Variants in ZNF275 observed in about 807,000 individuals in gnomAD.
The protein encoded by ZNF275 is zinc finger protein 275.
A neutral mutation model predicts 4.3 loss-of-function variants in ZNF275; 4 were observed. The ratio of observed to expected loss-of-function variants is 0.93; its 90% confidence interval spans 0.46 to 2.13. The LOEUF (loss-of-function observed/expected upper bound fraction) is 2.13, where lower values mean the gene tolerates loss of function less well. Among genes scored for constraint, ZNF275 ranks in the 30% most tolerant of loss-of-function variants. The pLI is 0.02. For synonymous variants in ZNF275, 173 were observed against 166.9 expected (o/e 1.04, Z -0.28); for missense variants, 352 against 397.1 (o/e 0.89, Z 0.97).
Position 153,345,393 on chromosome X carries a change from G to T in ZNF275, c.32-127G>T, listed in dbSNP as rs187160433. The T allele has an allele frequency of 4.4e-5, 21 of 473,486 alleles. No individual in the cohort carries two copies. The East Asian group carries it at 8.5e-4, about 19-fold the overall frequency. The allele number at this position is 473,486 out of a possible 1,213,427, so 39.0% of individuals were successfully genotyped here. A position where few individuals can be genotyped will look rare whatever the true frequency, so the allele number is the denominator to read the frequency against. On this transcript the variant is annotated intron_variant, in intron 2 of 3. Transcript: ENST00000650114. ...GGAAACACCTTTGAACTGAATGAAT[G>T]ACTTGCCTAAAGCCTGGTCTTTGAA...
rs1556961834 is a variant in ZNF275 at position 153,347,747 on chromosome X, T to C, written c.1062T>C (p.Cys354=). ...AGCGGCCCTACGCATGCGGCGAGTG[T>C]GGCAAGGCCTTCCGTGGGCCCTCTG... ...SGERPYACGE[C]GKAFRGPSDL... Residue 354 remains cysteine (C), a synonymous_variant, in exon 4 of 4, where the codon TGT becomes TGC. Coordinates refer to ENST00000650114, the MANE Select transcript of ZNF275 (RefSeq NM_001367757.1). 2 of 1,208,045 alleles carry C rather than the reference T, an allele frequency of 1.7e-6. No individual in the cohort carries two copies. Among genetic ancestry groups the C allele is most frequent in the Non-Finnish European group, 1.1e-6 (1 of 893,534 alleles).
intron 2 of ZNF275, among the ~76,000 whole-genome samples, chrX:153,342,025 T>TC (rs1275915089): frequency 8.9e-6 from 1 of 111,870 alleles, no homozygotes; most frequent in Non-Finnish European, 1.9e-5. Flanking sequence ...TTTTCATCCC[T>TC]CCCCCCACTT....
rs1364948847 is a variant in ZNF275 at position 153,352,601 on chromosome X, C to G, written c.*4626C>G. On this transcript the variant is annotated 3_prime_UTR_variant, in exon 4 of 4. Transcript: ENST00000650114. ...GTTTACTTTGAAAAGCAGAAACTGTCTCTTTAAACTTGGCCCTCAATGTCA... is the reference window on the plus strand; with the variant it reads ...GTTTACTTTGAAAAGCAGAAACTGTGTCTTTAAACTTGGCCCTCAATGTCA... 1 of 112,505 alleles carries G rather than the reference C, an allele frequency of 8.9e-6. No homozygotes were observed. The highest frequency in any genetic ancestry group is 2.8e-4 in the East Asian group (1 of 3,625). The allele number at this position is 112,505 out of a possible 1,213,427, so 9.3% of individuals were successfully genotyped here. A position where few individuals can be genotyped will look rare whatever the true frequency, so the allele number is the denominator to read the frequency against.
intron 2 of ZNF275, among the ~76,000 whole-genome samples, chrX:153,338,168 C>T (rs2088458051): frequency 2.7e-5 from 3 of 110,980 alleles, no homozygotes; most frequent in Admixed American, 9.5e-5. Context: ...CAACATGGAC[C>T]CTAAATGATC....
At chrX:153,344,023 A>C (rs1226903024) in intron 2 of ZNF275, among the ~76,000 whole-genome samples, 1 of 112,267 alleles carries the variant, frequency 8.9e-6, no homozygotes, top group African/African-American at 3.2e-5. Flanking sequence ...GAGAAGACTC[A>C]ACAAGATCAG....
chrX:153,347,439 C>T lies in ZNF275; in HGVS notation c.754C>T (p.Leu252Phe). The change falls in exon 4 of 4, where the codon CTT becomes TTT. Residue 252 changes from leucine to phenylalanine, a missense_variant. Physicochemically the swap from Leu to Phe is conservative, Grantham distance 22. Coordinates refer to ENST00000650114, the MANE Select transcript of ZNF275 (RefSeq NM_001367757.1). ...CSRDFLDRQE[L>F]LKHQRMHTGH... is the part of the protein sequence containing the mutation. ...CAGGGATTTCCTGGATCGCCAGGAG[C>T]TTCTCAAGCACCAGCGCATGCACAC... 1 of 1,211,600 alleles carries T rather than the reference C, an allele frequency of 8.3e-7. No individual in the cohort carries two copies. Among genetic ancestry groups the T allele is most frequent in the East Asian group, 3.0e-5 (1 of 33,849 alleles).
rs1428326407 is a variant in ZNF275, at chrX:153,346,829, C to T, written c.144C>T (p.Ser48=). ...TGTTTATCGTTTCAGAAAGCACCTC[C>T]GCGACCCGACACCAGATGAAGGGGG... The part of the protein sequence containing the change: ...TDPAKYSEST[S]ATRHQMKGED... Residue 48 remains serine, a synonymous_variant, in exon 4 of 4, where the codon TCC becomes TCT. Coordinates refer to ENST00000650114, the MANE Select transcript of ZNF275 (RefSeq NM_001367757.1). 25 of 1,191,103 alleles carry T rather than the reference C, an allele frequency of 2.1e-5. No homozygotes were observed. Among genetic ancestry groups the T allele is most frequent in the African/African-American group, 3.5e-5 (2 of 56,724 alleles).
chrX:153,336,601 C>T, intron 1 of ZNF275, 33 bp from the exon 2 acceptor site: 1 of 1,060,093 alleles, frequency 9.4e-7, no homozygotes, highest in Non-Finnish European at 1.3e-6. Flanking sequence ...CACAGGTCTG[C>T]TTCTGTTCAC....
chrX:153,345,800 G>C (rs35044224), intron 3 of ZNF275, among the ~76,000 whole-genome samples, 179 bp downstream of exon 3: 12,449 of 106,605 alleles, frequency 0.12, 654 homozygotes, highest in South Asian at 0.29. Context: ...TTGGGCTTGA[G>C]GTTAGGGTTG....
intron 2 of ZNF275, among the ~76,000 whole-genome samples, chrX:153,337,677 T>C (rs1339446504): frequency 3.6e-5 from 4 of 112,308 alleles, no homozygotes; most frequent in Non-Finnish European, 7.5e-5. Flanking sequence ...TTTCCATTTA[T>C]TCTAGCAGAT....
intron 2 of ZNF275, among the ~76,000 whole-genome samples, chrX:153,338,387 C>T (rs978265836): frequency 7.2e-5 from 8 of 110,736 alleles, no homozygotes; most frequent in African/African-American, 2.0e-4. Context: ...AAATGATCTC[C>T]GTGTCCAGGG....
intron 1 of ZNF275, among the ~76,000 whole-genome samples, chrX:153,335,143 C>G (rs1347427920): frequency 9.3e-6 from 1 of 108,000 alleles, no homozygotes; most frequent in African/African-American, 3.4e-5. Context: ...CGCCTGCCGC[C>G]CAAAGTCCAT....
intron 2 of ZNF275, among the ~76,000 whole-genome samples, chrX:153,339,009 C>T (rs782067257): frequency 9.0e-6 from 1 of 110,950 alleles, no homozygotes; most frequent in Non-Finnish European, 1.9e-5. Flanking sequence ...TGAATGGAGG[C>T]GGTAATAACC....
In ZNF275 at chrX:153,347,006, G is replaced by C. The variant is rs1556961649; in HGVS notation, c.321G>C (p.Gly107=). The C allele has an allele frequency of 8.3e-7, 1 of 1,211,368 alleles. No homozygotes were observed. The highest frequency in any genetic ancestry group is 3.0e-5 in the East Asian group (1 of 33,798). Residue 107 remains glycine (G), a synonymous_variant, in exon 4 of 4, where the codon GGG becomes GGC. Transcript: ENST00000650114. The part of the protein sequence containing the change: ...IEHHFACKEC[G]DTFRLKVLLV... ...ATCATTTTGCTTGTAAAGAGTGTGG[G>C]GACACCTTTCGGCTTAAAGTCCTGC...
chrX:153,343,157 C>T (rs1256017891), intron 2 of ZNF275, among the ~76,000 whole-genome samples: 2 of 112,770 alleles, frequency 1.8e-5, no homozygotes, highest in Non-Finnish European at 3.7e-5. Flanking sequence ...ATTTATGGCA[C>T]GATGTGAAAT....
At chrX:153,338,764 C>T (rs1360569830) in intron 2 of ZNF275, among the ~76,000 whole-genome samples, 6 of 106,408 alleles carry the variant, frequency 5.6e-5, no homozygotes, top group Admixed American at 5.1e-4. Context: ...TGGCATGTCT[C>T]GTTGTGCAGT....
chrX:153,343,649 T>C (rs1308025200), intron 2 of ZNF275, among the ~76,000 whole-genome samples: 1 of 112,071 alleles, frequency 8.9e-6, no homozygotes, highest in Admixed American at 9.4e-5. Context: ...TTTAAGGGCC[T>C]CACTGCTGGT....
In ZNF275 at chrX:153,336,651, A is replaced by G. The variant is rs1247157354; in HGVS notation, c.-29A>G. ...TCCAACAGATGGGGCCTTACCTGCC[A>G]GGCTGATCCCTTGGAGTAGTTCTGA... is the stretch of plus-strand genomic sequence containing the variant. On this transcript the variant is annotated 5_prime_UTR_variant, in exon 2 of 4. Coordinates refer to ENST00000650114, the MANE Select transcript of ZNF275 (RefSeq NM_001367757.1). 1.7e-6 allele frequency: 2 copies of G among 1,166,543 alleles called. No homozygotes were observed. The highest frequency in any genetic ancestry group is 2.3e-6 in the Non-Finnish European group (2 of 871,952).
chrX:153,346,523 C>G (rs1192718767), intron 3 of ZNF275, among the ~76,000 whole-genome samples: 1 of 111,330 alleles, frequency 9.0e-6, no homozygotes, highest in Admixed American at 9.4e-5. Flanking sequence ...GTTTGGGGAT[C>G]CCAGCTGAGC....
Sources: gnomAD v4.1 joint callset for allele counts (sites outside exome capture counted in the v4.1 genomes callset) on GRCh38, gnomAD v4.1.1 for gene constraint, MANE v1.5 for transcripts, NCBI Gene and HGNC (gene_info 2026-07-23, HGNC 2026-07-21) for gene names.